The following OSBPL5 variants were observed in gnomAD, a reference collection of about 807,000 sequenced individuals.
OSBPL5 encodes the protein oxysterol-binding protein-related protein 5.
OSBPL5 carries 71 observed loss-of-function variants against 111.2 expected under a neutral mutation model. That is an observed-to-expected ratio of 0.64 (90% confidence interval 0.53 to 0.78). The LOEUF is 0.78. Among genes scored for constraint, OSBPL5 ranks in the 30% least tolerant of loss-of-function variants. The pLI, the probability that OSBPL5 is intolerant of heterozygous loss-of-function variation, is 0.00. For missense variants in OSBPL5, 1,210 were observed against 1,189.3 expected, an observed-to-expected ratio of 1.02 and a Z score of -0.26; for synonymous variants, 549 against 513.9, an observed-to-expected ratio of 1.07 and a Z score of -0.93.
At chr11:3,112,044 C>T (rs11025426) in intron 7 of OSBPL5, among the ~76,000 whole-genome samples, 39,698 of 88,150 alleles carry the variant, frequency 0.45, 6,283 homozygotes, top group African/African-American at 0.51. Context: ...TATGTGTGCG[C>T]GCATGTGTGT....
In OSBPL5 at chr11:3,107,154, C is replaced by A; in HGVS notation, c.1059+109G>T. 1 of 1,259,472 alleles carries A rather than the reference C, an allele frequency of 7.9e-7. No homozygotes were observed. Among genetic ancestry groups the A allele is most frequent in the Non-Finnish European group, 1.1e-6 (1 of 919,186 alleles). 78.0% of individuals were successfully genotyped at this position (1,259,472 alleles called of 1,614,324 possible). A position where few individuals can be genotyped will look rare whatever the true frequency, so the allele number is the denominator to read the frequency against. ...CCAAGTGATGGGGACAAAAGCTACC[C>A]CCTGGGCCCTGCGTGCTCCCCCTAG... On this transcript the variant is annotated intron_variant, in intron 9 of 21. Transcript: ENST00000263650. The surrounding 1 kb of genome is among the most constrained non-coding windows in gnomAD (Gnocchi z 6.1).
chr11:3,123,998 G>C (rs1328618975), intron 3 of OSBPL5, among the ~76,000 whole-genome samples: 1 of 152,216 alleles, frequency 6.6e-6, no homozygotes, highest in African/African-American at 2.4e-5. Context: ...TGCTCTTTCA[G>C]GGAGAGGCAG....
At chr11:3,127,082 G>A (rs533498533) in intron 2 of OSBPL5, among the ~76,000 whole-genome samples, 8 of 152,310 alleles carry the variant, frequency 5.3e-5, no homozygotes, top group Admixed American at 2.0e-4. Context: ...AGGTGTCTGC[G>A]TTTGCTCCTT....
chr11:3,159,930 C>T (rs572702826), intron 1 of OSBPL5, among the ~76,000 whole-genome samples: 1 of 152,304 alleles, frequency 6.6e-6, no homozygotes, highest in Non-Finnish European at 1.5e-5. Context: ...CTGACCCTGG[C>T]ACCTGGGGTG....
At chr11:3,131,666 C>T (rs1310402756) in intron 1 of OSBPL5, among the ~76,000 whole-genome samples, 1 of 149,666 alleles carries the variant, frequency 6.7e-6, no homozygotes, top group Non-Finnish European at 1.5e-5. Flanking sequence ...TACTGTCCTC[C>T]CATCCATCCA....
intron 14 of OSBPL5, among the ~76,000 whole-genome samples, chr11:3,099,624 T>C (rs1461190898): frequency 6.6e-6 from 1 of 152,116 alleles, no homozygotes; most frequent in Non-Finnish European, 1.5e-5. Context: ...AAGGAAAATA[T>C]CTTCAAAGCA....
chr11:3,134,840 G>C (rs2134495489), intron 1 of OSBPL5, among the ~76,000 whole-genome samples: 1 of 150,922 alleles, frequency 6.6e-6, no homozygotes, highest in South Asian at 2.1e-4. Flanking sequence ...GAGGGGCTGA[G>C]GGTGGGGGAG....
chr11:3,133,299 G>A (rs1370576740), intron 1 of OSBPL5, among the ~76,000 whole-genome samples: 2 of 152,254 alleles, frequency 1.3e-5, no homozygotes, highest in Non-Finnish European at 2.9e-5. Flanking sequence ...CCCCATGAGG[G>A]GAGGGAGAGA....
At chr11:3,102,517 C>G (rs900566632) in intron 11 of OSBPL5, among the ~76,000 whole-genome samples, 11 of 152,124 alleles carry the variant, frequency 7.2e-5, no homozygotes, top group Non-Finnish European at 2.9e-5. Flanking sequence ...CTTCTTAGCT[C>G]GGAGAAGGGA....
At chr11:3,147,691 G>T (rs1239628142) in intron 1 of OSBPL5, among the ~76,000 whole-genome samples, 1 of 152,130 alleles carries the variant, frequency 6.6e-6, no homozygotes, top group South Asian at 2.1e-4. Flanking sequence ...AGAGGCGGAC[G>T]GCTGGCAGAG....
rs1210097581 is a variant in OSBPL5, at chr11:3,104,429, G to A, written c.1060-52C>T. On this transcript the variant is annotated intron_variant, in intron 9 of 21. Transcript: ENST00000263650. This position sits in a 1 kb window ranked among gnomAD's most constrained non-coding sequence, Gnocchi z 5.0. ...CCTGCCCGGAAGAGCCGGGAGGAAG[G>A]GGTGGCGGGACAGTGGCAGCTCTGG... 2 of 1,582,574 alleles carry A rather than the reference G, an allele frequency of 1.3e-6. No homozygotes were observed. Among genetic ancestry groups the A allele is most frequent in the Non-Finnish European group, 1.7e-6 (2 of 1,171,004 alleles).
At position 3,110,698 on chromosome 11, in the gene OSBPL5, A is replaced by G. The variant is rs1176953417; in HGVS notation, c.692-2753T>C. Among the ~76,000 whole-genome samples, 1 of 152,164 alleles carries G rather than the reference A, an allele frequency of 6.6e-6. No homozygotes were observed. The highest frequency in any genetic ancestry group is 6.5e-5 in the Admixed American group (1 of 15,284). On this transcript the variant is annotated intron_variant, in intron 7 of 21. Transcript: ENST00000263650. The surrounding 1 kb of genome is among the most constrained non-coding windows in gnomAD (Gnocchi z 5.3). ...GCTCACTGAGATAAATGCATATCTC[A>G]TTGTCTCCTTTGGAGAAGCTCATCA...
intron 2 of OSBPL5, among the ~76,000 whole-genome samples, chr11:3,128,019 G>A (rs998639): frequency 0.67 from 102,359 of 152,134 alleles, 35,048 homozygotes; most frequent in African/African-American, 0.75. Context: ...CTAAGCCTCC[G>A]GCCAGGGTGA....
chr11:3,155,318 T>C (rs1215478294), intron 1 of OSBPL5, among the ~76,000 whole-genome samples: 2 of 152,184 alleles, frequency 1.3e-5, no homozygotes, highest in Admixed American at 1.3e-4. Flanking sequence ...TCTCCAGGAA[T>C]AATGTCCGGC....
chr11:3,121,761 G>T lies in OSBPL5; in HGVS notation c.402+236C>A, dbSNP rs1431554069. On this transcript the variant is annotated intron_variant, in intron 5 of 21. Coordinates refer to ENST00000263650, the MANE Select transcript of OSBPL5 (RefSeq NM_020896.4). This position sits in a 1 kb window ranked among gnomAD's most constrained non-coding sequence, Gnocchi z 4.3. ...TTTGCAGACATAATCAGGTGAAGATGGGGCTACACTGGAGTAAGGTGGCCC... is the reference window on the plus strand; with the variant it reads ...TTTGCAGACATAATCAGGTGAAGATTGGGCTACACTGGAGTAAGGTGGCCC... The T allele has an allele frequency of 3.6e-6, 2 of 559,986 alleles. No individual in the cohort carries two copies. Among genetic ancestry groups the T allele is most frequent in the Non-Finnish European group, 6.4e-6 (2 of 313,824 alleles). 34.7% of individuals were successfully genotyped at this position (559,986 alleles called of 1,614,324 possible). A position where few individuals can be genotyped will look rare whatever the true frequency, so the allele number is the denominator to read the frequency against.
At chr11:3,094,496 G>A (rs1857184141) in intron 14 of OSBPL5, 162 bp from the exon 15 acceptor site, 1 of 611,432 alleles carries the variant, frequency 1.6e-6, no homozygotes, top group East Asian at 2.8e-5. Flanking sequence ...AGGACAGGAG[G>A]CGCTGGGAGC....
chr11:3,144,263 G>A (rs1846257093), intron 1 of OSBPL5, among the ~76,000 whole-genome samples: 1 of 152,176 alleles, frequency 6.6e-6, no homozygotes. Context: ...TGAAACCGCT[G>A]ACAATGAGAG....
chr11:3,096,398 C>T (rs1190032802), intron 14 of OSBPL5, among the ~76,000 whole-genome samples: 1 of 152,128 alleles, frequency 6.6e-6, no homozygotes, highest in Non-Finnish European at 1.5e-5. Flanking sequence ...GTAGGCTGAT[C>T]ACCTGAGGGC....
intron 1 of OSBPL5, among the ~76,000 whole-genome samples, chr11:3,131,834 CAT>C (rs1194654906): frequency 4.9e-5 from 7 of 142,820 alleles, no homozygotes; most frequent in African/African-American, 1.6e-4. Context: ...TCTACCCACT[CAT>C]CTATCCATCC....
Sources: gnomAD v4.1 joint callset for allele counts (sites outside exome capture counted in the v4.1 genomes callset) on GRCh38, gnomAD v4.1.1 for gene constraint, Gnocchi (gnomAD v3.1) non-coding constraint, MANE v1.5 for transcripts, NCBI Gene and HGNC (gene_info 2026-07-23, HGNC 2026-07-21) for gene names.